Variants in CDH4 observed in about 807,000 individuals in gnomAD.
CDH4 encodes the protein cadherin-4.
Under a neutral mutation model 86.0 loss-of-function variants are expected in CDH4, and 33 were observed. The ratio of observed to expected loss-of-function variants is 0.38; its 90% CI spans 0.29 to 0.51. The LOEUF is 0.51. CDH4 is among the 20% of genes least tolerant of loss of function. CDH4 has a pLI of 0.86. For synonymous variants in CDH4, 555 were observed against 549.4 expected, an observed-to-expected ratio of 1.01 and a Z score of -0.14; for missense variants, 1,114 against 1,307.4, an observed-to-expected ratio of 0.85 and a Z score of 2.28.
chr20:61,644,742 C>T (rs1004643425), intron 2 of CDH4, among the ~76,000 whole-genome samples: 1 of 152,170 alleles, frequency 6.6e-6, no homozygotes, highest in Non-Finnish European at 1.5e-5. Context: ...TTCCTGGCTT[C>T]GTGGAGTTCT....
chr20:61,320,915 C>T (rs2084504594), intron 2 of CDH4, among the ~76,000 whole-genome samples: 1 of 152,044 alleles, frequency 6.6e-6, no homozygotes, highest in Non-Finnish European at 1.5e-5. Flanking sequence ...GCACAGGCTC[C>T]AGGCCTAGGC....
intron 3 of CDH4, among the ~76,000 whole-genome samples, chr20:61,765,178 C>A (rs2088683605): frequency 1.3e-5 from 2 of 152,084 alleles, no homozygotes; most frequent in South Asian, 4.2e-4. Flanking sequence ...GAAACTGGGC[C>A]CCTAGACAAG....
chr20:61,594,242 G>A (rs940738998), intron 2 of CDH4, among the ~76,000 whole-genome samples: 1 of 126,034 alleles, frequency 7.9e-6, no homozygotes, highest in African/African-American at 2.9e-5. Context: ...GCTGAGCTGA[G>A]CAGGGGAAGA....
intron 2 of CDH4, among the ~76,000 whole-genome samples, chr20:61,267,790 ACT>A (rs1318563796): frequency 1.3e-5 from 2 of 152,120 alleles, no homozygotes; most frequent in African/African-American, 4.8e-5. Flanking sequence ...GGAGCTGGGC[ACT>A]CTCTGGCGTT....
Position 61,254,941 on chromosome 20 carries a change from A to T in CDH4, c.169+4A>T. Reference sequence around the variant, plus strand: ...GAAGGGGAAAAGCTACTTCAAGGTAAGGCGGGGTGTGGAGGGGTGGGAGTG... The same window carrying T: ...GAAGGGGAAAAGCTACTTCAAGGTATGGCGGGGTGTGGAGGGGTGGGAGTG... On this transcript the variant is annotated splice_donor_region_variant and intron_variant, in intron 2 of 15. Transcript: ENST00000614565. 1 of 1,528,774 alleles carries T rather than the reference A, an allele frequency of 6.5e-7. No individual in the cohort carries two copies. Among genetic ancestry groups the T allele is most frequent in the Non-Finnish European group, 9.1e-7 (1 of 1,102,576 alleles). 94.7% of individuals were successfully genotyped at this position (1,528,774 alleles called of 1,614,324 possible).
intron 4 of CDH4, among the ~76,000 whole-genome samples, chr20:61,835,210 CCAA>C (rs1981811393): frequency 2.0e-5 from 3 of 151,642 alleles, no homozygotes; most frequent in Admixed American, 1.3e-4. Context: ...GCCACCATGT[CCAA>C]CTAAGTTGTT....
intron 2 of CDH4, among the ~76,000 whole-genome samples, chr20:61,597,992 G>A (rs2086569065): frequency 6.6e-6 from 1 of 152,190 alleles, no homozygotes; most frequent in Non-Finnish European, 1.5e-5. Context: ...ATTAGAATAT[G>A]TTTTCCTAAA....
At chr20:61,633,266 C>T (rs1449760482) in intron 2 of CDH4, among the ~76,000 whole-genome samples, 4 of 151,770 alleles carry the variant, frequency 2.6e-5, no homozygotes, top group African/African-American at 9.7e-5. Flanking sequence ...TTCATCTGTC[C>T]ATCTACCCAT....
At chr20:61,869,952 G>A (rs1033411035) in intron 6 of CDH4, among the ~76,000 whole-genome samples, 1 of 152,246 alleles carries the variant, frequency 6.6e-6, no homozygotes, top group South Asian at 2.1e-4. Flanking sequence ...TGAGTCCTGT[G>A]GAGGCGGAGG....
intron 2 of CDH4, among the ~76,000 whole-genome samples, chr20:61,659,588 C>T: frequency 6.7e-6 from 1 of 149,324 alleles, no homozygotes; most frequent in Admixed American, 6.6e-5. Flanking sequence ...GGGTGGGCCT[C>T]AGCCATCTGA....
rs60416845 is a variant in CDH4 at position 61,660,815 on chromosome 20, C to T, written c.170-82748C>T. On this transcript the variant is annotated intron_variant, in intron 2 of 15. Transcript: ENST00000614565. Reference sequence around the variant, plus strand: ...TGCTTCGTGGAGATACCTGGACTCCCGCGTGGAACACCCAGCAGGGGTGGA... The same window carrying T: ...TGCTTCGTGGAGATACCTGGACTCCTGCGTGGAACACCCAGCAGGGGTGGA... Among the ~76,000 whole-genome samples, 929 of 152,194 alleles carry T rather than the reference C, an allele frequency of 6.1e-3. 12 individuals carry two copies. Among genetic ancestry groups the T allele is most frequent in the African/African-American group, 0.019 (807 of 41,512 alleles).
intron 2 of CDH4, among the ~76,000 whole-genome samples, chr20:61,294,824 G>A (rs984370616): frequency 3.3e-5 from 5 of 152,210 alleles, no homozygotes; most frequent in African/African-American, 9.6e-5. Context: ...CAAAGCTCCC[G>A]ATCTGGTCAC....
intron 6 of CDH4, among the ~76,000 whole-genome samples, chr20:61,858,081 G>C (rs1403034563): frequency 6.8e-6 from 1 of 147,704 alleles, no homozygotes; most frequent in Admixed American, 6.8e-5. Flanking sequence ...ATGTCTCTGT[G>C]TGTGTCTCTG....
chr20:61,501,851 C>A lies in CDH4; in HGVS notation c.170-241712C>A, dbSNP rs146755014. Among the ~76,000 whole-genome samples the A allele has an allele frequency of 1.3e-5, 2 of 152,148 alleles. No individual in the cohort carries two copies. The highest frequency in any genetic ancestry group is 2.9e-5 in the Non-Finnish European group (2 of 68,024). Reference sequence around the variant, plus strand: ...GTGATTCCGGTGCTAACGCTGGACACGTGTGTCCTTGTATATACCTGTTGC... The same window carrying A: ...GTGATTCCGGTGCTAACGCTGGACAAGTGTGTCCTTGTATATACCTGTTGC... On this transcript the variant is annotated intron_variant, in intron 2 of 15. Transcript: ENST00000614565. This position sits in a 1 kb window ranked among gnomAD's most constrained non-coding sequence, Gnocchi z 4.2.
At chr20:61,812,827 C>T (rs1980507282) in intron 4 of CDH4, among the ~76,000 whole-genome samples, 1 of 152,226 alleles carries the variant, frequency 6.6e-6, no homozygotes, top group Admixed American at 6.5e-5. Flanking sequence ...GGGTTGTGCT[C>T]TCCAGGCCAT....
chr20:61,714,546 C>A (rs1378795406), intron 2 of CDH4, among the ~76,000 whole-genome samples: 3 of 152,094 alleles, frequency 2.0e-5, no homozygotes, highest in Admixed American at 1.3e-4. Flanking sequence ...AGTTTTTAAT[C>A]TCTCGCTACC....
intron 4 of CDH4, among the ~76,000 whole-genome samples, chr20:61,824,514 C>G (rs1026559464): frequency 1.3e-5 from 2 of 152,162 alleles, no homozygotes; most frequent in Non-Finnish European, 2.9e-5. Flanking sequence ...AAATTCCCAT[C>G]CTTTTTTCCC....
chr20:61,320,926 G>A (rs577711625), intron 2 of CDH4, among the ~76,000 whole-genome samples: 2 of 152,156 alleles, frequency 1.3e-5, no homozygotes, highest in African/African-American at 2.4e-5. Flanking sequence ...AGGCCTAGGC[G>A]GGAGCCAGGG....
chr20:61,718,831 G>A (rs199770563), intron 2 of CDH4: 24 of 471,056 alleles, frequency 5.1e-5, no homozygotes, highest in African/African-American at 8.0e-5. Context: ...GGCTCCCAGC[G>A]ACAGCTGGCT....
Sources: gnomAD v4.1 joint callset for allele counts (sites outside exome capture counted in the v4.1 genomes callset) on GRCh38, gnomAD v4.1.1 for gene constraint, Gnocchi (gnomAD v3.1) non-coding constraint, MANE v1.5 for transcripts, NCBI Gene and HGNC (gene_info 2026-07-23, HGNC 2026-07-21) for gene names.